The following GNAO1 variants were observed in gnomAD, a reference collection of about 807,000 sequenced individuals.
GNAO1 encodes G protein subunit alpha o1.
For missense variants in GNAO1, 166 were observed against 478.7 expected, an observed-to-expected ratio of 0.35 and a Z score of 6.10; for synonymous variants, 164 against 180.7, an observed-to-expected ratio of 0.91 and a Z score of 0.74.
intron 2 of GNAO1, among the ~76,000 whole-genome samples, chr16:56,250,239 C>T (rs1452854479): frequency 7.2e-5 from 11 of 152,106 alleles, no homozygotes; most frequent in South Asian, 2.1e-4. Flanking sequence ...AGAAAGAAAC[C>T]GTAATTGCTA....
intron 6 of GNAO1, chr16:56,346,472 A>G (rs2037870742): frequency 1.0e-6 from 1 of 985,098 alleles, no homozygotes; most frequent in South Asian, 4.7e-5. Flanking sequence ...TGCCACTTTC[A>G]TGCCTATGGG....
chr16:56,292,167 C>A (rs2037239298), intron 3 of GNAO1, among the ~76,000 whole-genome samples: 1 of 152,190 alleles, frequency 6.6e-6, no homozygotes. Flanking sequence ...CTGCAGTCAT[C>A]CCTGAGTTTG....
intron 2 of GNAO1, among the ~76,000 whole-genome samples, chr16:56,266,698 C>T (rs2036957434): frequency 6.6e-6 from 1 of 152,180 alleles, no homozygotes; most frequent in Non-Finnish European, 1.5e-5. Context: ...ACCCTCCCCA[C>T]ACATTAATAC....
At chr16:56,333,384 G>T (rs1336719989) in intron 4 of GNAO1, among the ~76,000 whole-genome samples, 1 of 151,868 alleles carries the variant, frequency 6.6e-6, no homozygotes, top group African/African-American at 2.4e-5. Context: ...GCTAATTTTT[G>T]CATTTTTAGT....
intron 2 of GNAO1, among the ~76,000 whole-genome samples, chr16:56,267,692 T>C (rs2036970104): frequency 6.6e-6 from 1 of 152,148 alleles, no homozygotes; most frequent in South Asian, 2.1e-4. Context: ...CCATTATGAT[T>C]TATAGAACCA....
At chr16:56,308,166 T>C (rs564703106) in intron 3 of GNAO1, 9 of 152,278 alleles carry the variant, frequency 5.9e-5, no homozygotes, top group African/African-American at 1.2e-4. Flanking sequence ...AGAAATGCCA[T>C]TGGAAAGAGG....
At chr16:56,313,306 T>G (rs189396522) in intron 3 of GNAO1, among the ~76,000 whole-genome samples, 279 of 146,498 alleles carry the variant, frequency 1.9e-3, no homozygotes, top group African/African-American at 7.2e-3. Context: ...GCATTTTGTT[T>G]ATGTAGGTTA....
At chr16:56,196,488 G>T (rs1342806788) in intron 2 of GNAO1, among the ~76,000 whole-genome samples, 1 of 152,204 alleles carries the variant, frequency 6.6e-6, no homozygotes, top group Non-Finnish European at 1.5e-5. Flanking sequence ...TTTATGAGGT[G>T]TAGAATTGAC....
At chr16:56,310,132 C>A (rs954716692) in intron 3 of GNAO1, among the ~76,000 whole-genome samples, 2 of 151,496 alleles carry the variant, frequency 1.3e-5, no homozygotes, top group African/African-American at 2.4e-5. Flanking sequence ...CATAGTGAGA[C>A]CCCATTTCTA....
intron 2 of GNAO1, among the ~76,000 whole-genome samples, chr16:56,260,726 A>G (rs575803466): frequency 6.6e-6 from 1 of 151,614 alleles, no homozygotes; most frequent in Non-Finnish European, 1.5e-5. Flanking sequence ...ATGACCCGCT[A>G]TCATGGTTAT....
chr16:56,255,091 T>C (rs2036834481), intron 2 of GNAO1, among the ~76,000 whole-genome samples: 1 of 152,210 alleles, frequency 6.6e-6, no homozygotes. Flanking sequence ...GAACATTTAA[T>C]ATTTTTAGCT....
intron 2 of GNAO1, among the ~76,000 whole-genome samples, chr16:56,268,003 T>A (rs2036974832): frequency 6.6e-6 from 1 of 152,060 alleles, no homozygotes; most frequent in Non-Finnish European, 1.5e-5. Flanking sequence ...TCACCTGGTG[T>A]CACCCATCAC....
chr16:56,329,144 CATAA>C (rs2143648144), intron 4 of GNAO1: 1 of 192,524 alleles, frequency 5.2e-6, no homozygotes, highest in South Asian at 1.7e-4. Context: ...CCCCTGACCG[CATAA>C]ATACAAACCA....
At chr16:56,333,197 ATTTTCTTT>A (rs2037707137) in intron 4 of GNAO1, among the ~76,000 whole-genome samples, 1 of 145,724 alleles carries the variant, frequency 6.9e-6, no homozygotes, top group Non-Finnish European at 1.5e-5. Context: ...AGCCAAGTGC[ATTTTCTTT>A]TTTTCTTTTT....
At chr16:56,310,935 ACT>A (rs1375121385) in intron 3 of GNAO1, among the ~76,000 whole-genome samples, 16 of 152,076 alleles carry the variant, frequency 1.1e-4, no homozygotes, top group African/African-American at 3.9e-4. Flanking sequence ...CAGGAGACAC[ACT>A]CACATCTTAA....
intron 2 of GNAO1, among the ~76,000 whole-genome samples, chr16:56,263,357 G>A (rs544848686): frequency 9.8e-5 from 15 of 152,326 alleles, no homozygotes; most frequent in African/African-American, 3.1e-4. Context: ...TTGATCATTC[G>A]CCATGTACCA....
At chr16:56,341,507 G>C (rs377675823) in intron 6 of GNAO1, among the ~76,000 whole-genome samples, 3 of 152,238 alleles carry the variant, frequency 2.0e-5, no homozygotes, top group African/African-American at 4.8e-5. Flanking sequence ...GCAGAGCTTC[G>C]CGTGGTGCCG....
chr16:56,204,702 A>G (rs1251541719), intron 2 of GNAO1, among the ~76,000 whole-genome samples: 9 of 152,220 alleles, frequency 5.9e-5, no homozygotes, highest in African/African-American at 1.7e-4. Context: ...GGCTTTTAAA[A>G]GTGCAGTTTC....
At chr16:56,273,817 A>G (rs1383849230) in intron 2 of GNAO1, among the ~76,000 whole-genome samples, 1 of 152,226 alleles carries the variant, frequency 6.6e-6, no homozygotes, top group Non-Finnish European at 1.5e-5. Flanking sequence ...CAGGCGTTCA[A>G]CAAGGACTCT....
Sources: allele counts gnomAD v4.1 joint callset (sites outside exome capture counted in the v4.1 genomes callset), GRCh38; gene constraint gnomAD v4.1.1; transcripts MANE v1.5; gene names NCBI Gene and HGNC (gene_info 2026-07-23, HGNC 2026-07-21).